POLQ: variants seen among roughly 807,000 people sequenced by gnomAD.
POLQ encodes DNA polymerase theta.
A neutral mutation model predicts 259.2 loss-of-function variants in POLQ; 233 were observed. The observed-to-expected ratio is 0.90, with a 90% CI of 0.81 to 1.00. The LOEUF (loss-of-function observed/expected upper bound fraction) is 1.00, where lower values mean the gene tolerates loss of function less well. Ranked by LOEUF, POLQ falls within the 50% of genes least tolerant of loss-of-function variation. POLQ has a pLI of 0.00. For missense variants in POLQ, 2,871 were observed against 3,051.6 expected, an observed-to-expected ratio of 0.94 and a Z score of 1.39; for synonymous variants, 1,025 against 1,048.8, an observed-to-expected ratio of 0.98 and a Z score of 0.44.
At chr3:121,528,143 A>G (rs1430616821) in intron 7 of POLQ, among the ~76,000 whole-genome samples, 2 of 151,968 alleles carry the variant, frequency 1.3e-5, no homozygotes, top group African/African-American at 4.8e-5. Context: ...TTTATTCGAG[A>G]GAGGGTCTCA....
chr3:121,536,924 G>T (rs1429611318), intron 5 of POLQ, among the ~76,000 whole-genome samples, 176 bp downstream of exon 5: 1 of 152,136 alleles, frequency 6.6e-6, no homozygotes, highest in African/African-American at 2.4e-5. Context: ...GATTACAGGT[G>T]TCAGCCACCA....
intron 6 of POLQ, among the ~76,000 whole-genome samples, chr3:121,530,335 T>C (rs550820839): frequency 6.6e-6 from 1 of 152,278 alleles, no homozygotes; most frequent in East Asian, 1.9e-4. Flanking sequence ...AACTATAGGC[T>C]GATGTAAATG....
chr3:121,449,246 T>A, intron 26 of POLQ, 69 bp downstream of exon 26: 1 of 798,960 alleles, frequency 1.3e-6, no homozygotes, highest in Admixed American at 2.3e-5. Flanking sequence ...GAAAATTCCA[T>A]TACACAAATT....
chr3:121,488,447 C>A lies in POLQ; in HGVS notation c.4484G>T (p.Ser1495Ile). ...MSDSLLFDSF[S>I]DDYLVKEQLP... ...TTGTTCTTTTACTAGATAGTCATCA[C>A]TGAAGCTATCAAATAGTAAACTATC... The change falls in exon 16 of 30, where the codon AGT (serine) becomes ATT (isoleucine). Residue 1495 changes from serine to isoleucine, a missense_variant. Around this residue, in one of 3 missense-constraint regions of POLQ, gnomAD observed 2,080 missense variants for 2,126.0 expected, o/e 0.98. Transcript: ENST00000264233. The A allele has an allele frequency of 6.2e-7, 1 of 1,610,396 alleles. No individual in the cohort carries two copies. Among genetic ancestry groups the A allele is most frequent in the Non-Finnish European group, 8.5e-7 (1 of 1,178,632 alleles).
chr3:121,487,134 T>G (rs2048018458), intron 16 of POLQ, among the ~76,000 whole-genome samples, 168 bp downstream of exon 16: 1 of 152,166 alleles, frequency 6.6e-6, no homozygotes, highest in African/African-American at 2.4e-5. Flanking sequence ...TTAATTAATT[T>G]AGGTATGCTG....
At chr3:121,441,822 A>G (rs1560084093) in intron 26 of POLQ, among the ~76,000 whole-genome samples, 1 of 152,234 alleles carries the variant, frequency 6.6e-6, no homozygotes, top group Non-Finnish European at 1.5e-5. Flanking sequence ...TGTTCTCCAA[A>G]GTAGTTTTAC....
At chr3:121,465,522 T>G (rs550048588) in intron 24 of POLQ, among the ~76,000 whole-genome samples, 100 of 150,060 alleles carry the variant, frequency 6.7e-4, no homozygotes, top group South Asian at 1.5e-3. Context: ...ATATTGCAGG[T>G]TTTTTTCTTA....
intron 25 of POLQ, among the ~76,000 whole-genome samples, chr3:121,454,536 A>G (rs968399194): frequency 5.3e-5 from 8 of 152,202 alleles, no homozygotes; most frequent in Non-Finnish European, 8.8e-5. Context: ...GGATGGAGGA[A>G]GATCTACCAA....
At chr3:121,438,872 A>G (rs1380027663) in intron 27 of POLQ, among the ~76,000 whole-genome samples, 1 of 152,204 alleles carries the variant, frequency 6.6e-6, no homozygotes, top group African/African-American at 2.4e-5. Context: ...GCTAGAGAGT[A>G]AAGCAGTAAC....
At chr3:121,467,429 T>C in intron 24 of POLQ, 90 bp downstream of exon 24, 3 of 1,293,626 alleles carry the variant, frequency 2.3e-6, no homozygotes, top group Non-Finnish European at 3.3e-6. Flanking sequence ...CAATGCATGC[T>C]CTAAGTCTCA....
intron 17 of POLQ, among the ~76,000 whole-genome samples, chr3:121,484,383 C>T (rs2047993813): frequency 6.6e-6 from 1 of 152,082 alleles, no homozygotes; most frequent in Non-Finnish European, 1.5e-5. Flanking sequence ...CAGACCCATT[C>T]AATGGTAGGA....
rs769191331 is a variant in POLQ at position 121,466,283 on chromosome 3, G to GA, written c.6967+1235dup. 7.9e-3 allele frequency among the ~76,000 whole-genome samples: 615 copies of GA among 78,042 alleles called. 1 individual carries two copies. Among genetic ancestry groups the GA allele is most frequent in the African/African-American group, 0.012 (250 of 20,012 alleles). 51.2% of individuals were successfully genotyped at this position (78,042 alleles called of 152,430 possible). A position where few individuals can be genotyped will look rare whatever the true frequency, so the allele number is the denominator to read the frequency against. ...CTGAGAGGGGTGAGGAAGCTGCAAG[G>GA]AAAAAAAAAAAAAAACTGATTCATG... is the stretch of plus-strand genomic sequence containing the variant. On this transcript the variant is annotated intron_variant, in intron 24 of 29. Coordinates refer to ENST00000264233, the MANE Select transcript of POLQ (RefSeq NM_199420.4).
At chr3:121,435,511 A>G (rs2047536596) in intron 28 of POLQ, among the ~76,000 whole-genome samples, 1 of 152,218 alleles carries the variant, frequency 6.6e-6, no homozygotes, top group South Asian at 2.1e-4. Flanking sequence ...TACTTTCATA[A>G]TAACACTATG....
chr3:121,491,153 G>T (rs910626150), intron 15 of POLQ, among the ~76,000 whole-genome samples: 1 of 152,036 alleles, frequency 6.6e-6, no homozygotes, highest in African/African-American at 2.4e-5. Flanking sequence ...AGGAGTTCAA[G>T]ACCAGCCTGA....
At chr3:121,455,778 G>C (rs2047730634) in intron 25 of POLQ, among the ~76,000 whole-genome samples, 1 of 152,158 alleles carries the variant, frequency 6.6e-6, no homozygotes, top group Non-Finnish European at 1.5e-5. Context: ...GGACCAGATG[G>C]ATTCACAGCC....
chr3:121,520,679 T>C (rs866272664), intron 8 of POLQ, among the ~76,000 whole-genome samples: 2 of 152,166 alleles, frequency 1.3e-5, no homozygotes, highest in Non-Finnish European at 2.9e-5. Flanking sequence ...CACTGTGACA[T>C]GAAAGCAGCA....
intron 19 of POLQ, among the ~76,000 whole-genome samples, chr3:121,478,704 T>C (rs1419805486): frequency 1.3e-5 from 2 of 151,440 alleles, no homozygotes; most frequent in African/African-American, 2.4e-5. Context: ...TATGAACTAA[T>C]ATTAAGAGAA....
At chr3:121,436,844 A>G (rs2047548262) in intron 27 of POLQ, among the ~76,000 whole-genome samples, 2 of 151,766 alleles carry the variant, frequency 1.3e-5, no homozygotes, top group African/African-American at 4.8e-5. Flanking sequence ...CTGGGTATTC[A>G]GTTACAACTT....
rs35516373 is a variant in POLQ at position 121,492,801 on chromosome 3, A to AT, written c.2522+676dup. On this transcript the variant is annotated intron_variant, in intron 15 of 29. Transcript: ENST00000264233. ...TAGGCACATGCCACCATGCCCAGCT[A>AT]TTTTTTTTTTTTTTTTTTTCAGTTT... 2.3e-3 allele frequency among the ~76,000 whole-genome samples: 282 copies of AT among 124,830 alleles called. 2 individuals carry two copies. Among genetic ancestry groups the AT allele is most frequent in the East Asian group, 0.015 (62 of 4,216 alleles). The allele number at this position is 124,830 out of a possible 152,430, so 81.9% of individuals were successfully genotyped here. A position where few individuals can be genotyped will look rare whatever the true frequency, so the allele number is the denominator to read the frequency against.
Sources: allele counts gnomAD v4.1 joint callset (sites outside exome capture counted in the v4.1 genomes callset), GRCh38; gene constraint gnomAD v4.1.1; regional missense constraint gnomAD v4.1.1; transcripts MANE v1.5; gene names NCBI Gene and HGNC (gene_info 2026-07-23, HGNC 2026-07-21).